GABBR2: variants seen among roughly 807,000 people sequenced by gnomAD.
GABBR2 encodes the protein gamma-aminobutyric acid type B receptor subunit 2.
A neutral mutation model predicts 105.6 loss-of-function variants in GABBR2; 23 were observed. That is an observed-to-expected ratio of 0.22 (90% CI 0.16 to 0.31). The LOEUF (loss-of-function observed/expected upper bound fraction) is 0.31, where lower values mean the gene tolerates loss of function less well. GABBR2 is among the 10% of genes least tolerant of loss of function. The pLI is 1.00. For missense variants in GABBR2, 734 were observed against 1,245.5 expected (o/e 0.59, Z 6.18); for synonymous variants, 478 against 499.7 (o/e 0.96, Z 0.58).
intron 1 of GABBR2, 122 bp downstream of exon 1, chr9:98,708,295 G>C (rs1830928365): frequency 1.9e-6 from 2 of 1,040,714 alleles, no homozygotes; most frequent in Non-Finnish European, 2.5e-6. Context: ...AGCCCTCTCT[G>C]CCCTCGGCAG....
At chr9:98,655,663 AG>A (rs755944920) in intron 1 of GABBR2, among the ~76,000 whole-genome samples, 10 of 152,258 alleles carry the variant, frequency 6.6e-5, no homozygotes, top group Non-Finnish European at 8.8e-5. Context: ...GCCATAAAAA[AG>A]GATGAGTTCA....
intron 2 of GABBR2, among the ~76,000 whole-genome samples, chr9:98,561,805 G>A (rs1317988451): frequency 6.6e-6 from 1 of 152,182 alleles, no homozygotes; most frequent in African/African-American, 2.4e-5. Flanking sequence ...GATCCCTTGA[G>A]CGCAGGAGTT....
At chr9:98,559,920 G>A (rs1309846570) in intron 2 of GABBR2, among the ~76,000 whole-genome samples, 1 of 151,730 alleles carries the variant, frequency 6.6e-6, no homozygotes, top group Non-Finnish European at 1.5e-5. Flanking sequence ...AAAGCAAGGT[G>A]CAGAAGAGTG....
At chr9:98,638,482 C>T (rs538751272) in intron 1 of GABBR2, among the ~76,000 whole-genome samples, 1 of 152,066 alleles carries the variant, frequency 6.6e-6, no homozygotes, top group East Asian at 1.9e-4. Flanking sequence ...CTAATGCAGG[C>T]CCTGTTTTAG....
intron 13 of GABBR2, among the ~76,000 whole-genome samples, chr9:98,350,241 A>G (rs1305920780): frequency 6.8e-6 from 1 of 147,224 alleles, no homozygotes; most frequent in East Asian, 2.0e-4. Flanking sequence ...CCTCTATTTC[A>G]TTTAATCCTG....
intron 1 of GABBR2, among the ~76,000 whole-genome samples, chr9:98,635,973 T>A (rs1484177662): frequency 6.6e-6 from 1 of 152,174 alleles, no homozygotes; most frequent in Non-Finnish European, 1.5e-5. Context: ...TGCACCCGGT[T>A]CTGACTCCAT....
At chr9:98,679,234 A>G (rs1393591602) in intron 1 of GABBR2, among the ~76,000 whole-genome samples, 1 of 152,220 alleles carries the variant, frequency 6.6e-6, no homozygotes, top group Non-Finnish European at 1.5e-5. Context: ...TGGAAAGGAC[A>G]AGGCAGAAGT....
chr9:98,666,322 A>G (rs1256540783), intron 1 of GABBR2, among the ~76,000 whole-genome samples: 1 of 152,196 alleles, frequency 6.6e-6, no homozygotes, highest in Non-Finnish European at 1.5e-5. Flanking sequence ...CTGGGAACCA[A>G]GGGCTAGAGG....
chr9:98,458,422 G>A (rs186795716), intron 6 of GABBR2, among the ~76,000 whole-genome samples: 12 of 152,304 alleles, frequency 7.9e-5, no homozygotes, highest in Admixed American at 6.5e-4. Context: ...CAGATGCCAC[G>A]GCTGGGCACG....
intron 6 of GABBR2, among the ~76,000 whole-genome samples, chr9:98,472,239 T>C (rs1826698791): frequency 6.6e-6 from 1 of 152,238 alleles, no homozygotes; most frequent in African/African-American, 2.4e-5. Context: ...AAATGGATGT[T>C]ACCACCTTTA....
At chr9:98,686,791 G>A (rs917084941) in intron 1 of GABBR2, among the ~76,000 whole-genome samples, 1 of 152,120 alleles carries the variant, frequency 6.6e-6, no homozygotes, top group Non-Finnish European at 1.5e-5. Flanking sequence ...AGCTCAGTCA[G>A]TGAAGGGTCC....
intron 4 of GABBR2, among the ~76,000 whole-genome samples, chr9:98,493,772 C>T (rs1404290405): frequency 6.6e-6 from 1 of 152,196 alleles, no homozygotes; most frequent in East Asian, 1.9e-4. Context: ...GCCTCTGTTG[C>T]ACTTTGTCCA....
At chr9:98,626,418 C>T (rs1829737481) in intron 1 of GABBR2, among the ~76,000 whole-genome samples, 2 of 152,172 alleles carry the variant, frequency 1.3e-5, no homozygotes, top group Non-Finnish European at 2.9e-5. Context: ...ATTAAGATTT[C>T]AGAAAAGCTG....
intron 13 of GABBR2, among the ~76,000 whole-genome samples, chr9:98,340,420 TTCTC>T (rs1386627087): frequency 6.6e-6 from 1 of 150,686 alleles, no homozygotes; most frequent in Non-Finnish European, 1.5e-5. Context: ...GTGTGTGTGT[TTCTC>T]TCTCTCTCTT....
At chr9:98,623,153 G>A (rs1264079798) in intron 1 of GABBR2, among the ~76,000 whole-genome samples, 3 of 152,194 alleles carry the variant, frequency 2.0e-5, no homozygotes, top group South Asian at 2.1e-4. Context: ...GGCGGGGCGC[G>A]GTGGCTCATG....
rs548556884 is a variant in GABBR2, at chr9:98,493,249, G to C, written c.732+3164C>G. Among the ~76,000 whole-genome samples, 6 of 152,088 alleles carry C rather than the reference G, an allele frequency of 3.9e-5. No homozygotes were observed. In the South Asian group the frequency reaches 1.2e-3, roughly 32 times the overall value. On this transcript the variant is annotated intron_variant, in intron 4 of 18. Coordinates refer to ENST00000259455, the MANE Select transcript of GABBR2 (RefSeq NM_005458.8). ...GTATGTGTGTTATTCCTTACCTTCT[G>C]GTATTACAAAATACTCCAGAATCAT... is the stretch of plus-strand genomic sequence containing the variant.
At chr9:98,682,955 C>G (rs1013422802) in intron 1 of GABBR2, among the ~76,000 whole-genome samples, 2 of 152,198 alleles carry the variant, frequency 1.3e-5, no homozygotes, top group Admixed American at 6.5e-5. Context: ...TACACACCCA[C>G]TGCTGTCCAA....
intron 3 of GABBR2, among the ~76,000 whole-genome samples, chr9:98,502,130 G>C (rs936240935): frequency 6.6e-6 from 1 of 152,182 alleles, no homozygotes; most frequent in Non-Finnish European, 1.5e-5. Flanking sequence ...CAAGACATAG[G>C]GGGAGAAGGG....
At chr9:98,353,455 T>C (rs1042731250) in intron 13 of GABBR2, among the ~76,000 whole-genome samples, 3 of 152,214 alleles carry the variant, frequency 2.0e-5, no homozygotes, top group African/African-American at 7.2e-5. Flanking sequence ...GAATCTCAGA[T>C]GTTCTTAATG....
Sources: gnomAD v4.1 joint callset for allele counts (sites outside exome capture counted in the v4.1 genomes callset) on GRCh38, gnomAD v4.1.1 for gene constraint, MANE v1.5 for transcripts, NCBI Gene and HGNC (gene_info 2026-07-23, HGNC 2026-07-21) for gene names.